Variants in HDAC9 observed in about 807,000 individuals in gnomAD.
The protein encoded by HDAC9 is histone deacetylase 9, also known as MEF-2 interacting transcription repressor (MITR) protein.
Under a neutral mutation model 139.4 loss-of-function variants are expected in HDAC9, and 41 were observed. The observed-to-expected ratio is 0.29, with a 90% CI of 0.23 to 0.38. The LOEUF is 0.38. Ranked by LOEUF, HDAC9 falls within the 10% of genes least tolerant of loss-of-function variation. The pLI is 1.00. For synonymous variants in HDAC9, 517 were observed against 476.2 expected (o/e 1.09, Z -1.12); for missense variants, 1,147 against 1,297.0 (o/e 0.88, Z 1.78).
intron 2 of HDAC9, among the ~76,000 whole-genome samples, chr7:18,523,239 C>G (rs964015858): frequency 3.3e-5 from 5 of 152,288 alleles, no homozygotes; most frequent in Middle Eastern, 3.4e-3. Flanking sequence ...GCTGCATGAT[C>G]AGAAATACTT....
At chr7:18,260,393 A>C (rs1431358786) in intron 2 of HDAC9, 1 of 140,242 alleles carries the variant, frequency 7.1e-6, no homozygotes, top group Non-Finnish European at 1.5e-5. Context: ...ATCTCAGCTC[A>C]CTGCAAGCTC....
At chr7:18,622,062 T>C (rs1840354737) in intron 6 of HDAC9, among the ~76,000 whole-genome samples, 1 of 152,158 alleles carries the variant, frequency 6.6e-6, no homozygotes. Context: ...AGTATTTGGT[T>C]CCAAGTAACA....
intron 22 of HDAC9, among the ~76,000 whole-genome samples, chr7:18,893,357 G>A (rs920924891): frequency 6.6e-6 from 1 of 152,156 alleles, no homozygotes; most frequent in South Asian, 2.1e-4. Flanking sequence ...ATGGCCTGGG[G>A]CAATATTCAA....
intron 2 of HDAC9, among the ~76,000 whole-genome samples, chr7:18,183,843 C>A (rs1049314795): frequency 1.4e-4 from 22 of 152,198 alleles, no homozygotes; most frequent in African/African-American, 5.1e-4. Context: ...GGTAAAGTAT[C>A]CTGGGCTGTT....
intron 2 of HDAC9, among the ~76,000 whole-genome samples, chr7:18,559,676 G>T (rs770082547): frequency 5.3e-5 from 8 of 152,136 alleles, no homozygotes; most frequent in Non-Finnish European, 1.2e-4. Flanking sequence ...TTTTCAGCCT[G>T]CATAGGTGGT....
At chr7:18,850,096 A>G (rs906672202) in intron 21 of HDAC9, among the ~76,000 whole-genome samples, 72 of 151,950 alleles carry the variant, frequency 4.7e-4, no homozygotes, top group Non-Finnish European at 8.2e-4. Context: ...AAAAAAAAAA[A>G]AAAAGAAAAC....
chr7:18,810,509 A>T (rs544352103), intron 17 of HDAC9, among the ~76,000 whole-genome samples: 1 of 151,906 alleles, frequency 6.6e-6, no homozygotes, highest in Non-Finnish European at 1.5e-5. Context: ...ATTTTTCAGA[A>T]ATCGATGATA....
chr7:18,774,219 C>T (rs1327016984), intron 16 of HDAC9, among the ~76,000 whole-genome samples: 4 of 151,938 alleles, frequency 2.6e-5, no homozygotes, highest in Admixed American at 6.6e-5. Flanking sequence ...CAATGATTCT[C>T]TTAGCAATAG....
At chr7:18,831,852 G>A (rs1795879662) in intron 19 of HDAC9, among the ~76,000 whole-genome samples, 1 of 152,076 alleles carries the variant, frequency 6.6e-6, no homozygotes, top group Admixed American at 6.6e-5. Context: ...AATGTTAGCT[G>A]GGGGGTGTGA....
chr7:18,608,424 G>T (rs1836148861), intron 6 of HDAC9, among the ~76,000 whole-genome samples: 1 of 151,990 alleles, frequency 6.6e-6, no homozygotes. Flanking sequence ...CTGTTTTATA[G>T]ATTTATTTGC....
At chr7:18,603,915 T>A (rs1006387922) in intron 6 of HDAC9, among the ~76,000 whole-genome samples, 4 of 152,084 alleles carry the variant, frequency 2.6e-5, no homozygotes, top group Non-Finnish European at 4.4e-5. Context: ...CTTTTTAAAA[T>A]TTTTTTGGCA....
intron 1 of HDAC9, among the ~76,000 whole-genome samples, chr7:18,318,801 T>C (rs945202985): frequency 6.6e-6 from 1 of 152,178 alleles, no homozygotes; most frequent in Non-Finnish European, 1.5e-5. Flanking sequence ...CTTTATGTGA[T>C]AAGGGGGGAT....
intron 1 of HDAC9, among the ~76,000 whole-genome samples, chr7:18,466,714 A>C (rs1288815439): frequency 2.0e-5 from 3 of 152,226 alleles, no homozygotes; most frequent in Non-Finnish European, 4.4e-5. Context: ...TTCCATCTGC[A>C]ATCTTAATTC....
chr7:18,901,956 A>G (rs988878172), intron 22 of HDAC9, among the ~76,000 whole-genome samples: 2 of 152,132 alleles, frequency 1.3e-5, no homozygotes, highest in Non-Finnish European at 2.9e-5. Context: ...ATTTTCTTCT[A>G]CCCTTTCAGG....
intron 2 of HDAC9, among the ~76,000 whole-genome samples, chr7:18,558,515 CA>C (rs1333892646): frequency 2.0e-5 from 3 of 152,182 alleles, no homozygotes; most frequent in Non-Finnish European, 4.4e-5. Flanking sequence ...CTTAGCCTAA[CA>C]TACTTGGTTC....
intron 24 of HDAC9, among the ~76,000 whole-genome samples, chr7:18,967,332 G>T (rs1203843124): frequency 6.6e-6 from 1 of 152,060 alleles, no homozygotes; most frequent in African/African-American, 2.4e-5. Context: ...AAAAGTTCAG[G>T]AGTGACGTAA....
At chr7:18,360,716 A>G (rs555847091) in intron 1 of HDAC9, among the ~76,000 whole-genome samples, 1 of 152,286 alleles carries the variant, frequency 6.6e-6, no homozygotes, top group South Asian at 2.1e-4. Flanking sequence ...CAAAATTATT[A>G]TGTAGTACAT....
At chr7:18,858,969 T>C (rs771771778) in intron 21 of HDAC9, among the ~76,000 whole-genome samples, 2 of 152,148 alleles carry the variant, frequency 1.3e-5, no homozygotes, top group African/African-American at 4.8e-5. Context: ...AACACTATTT[T>C]TTCATCCAAA....
chr7:18,772,254 A>T (rs1050574473), intron 16 of HDAC9, among the ~76,000 whole-genome samples: 1 of 152,114 alleles, frequency 6.6e-6, no homozygotes, highest in African/African-American at 2.4e-5. Context: ...TTGACTGTTC[A>T]GGCAATAGAA....
Sources: gnomAD v4.1 joint callset for allele counts (sites outside exome capture counted in the v4.1 genomes callset) on GRCh38, gnomAD v4.1.1 for gene constraint, MANE v1.5 for transcripts, NCBI Gene and HGNC (gene_info 2026-07-23, HGNC 2026-07-21) for gene names.